CCHCR1: variants seen among roughly 807,000 people sequenced by gnomAD.
CCHCR1 encodes coiled-coil alpha-helical rod protein 1.
A neutral mutation model predicts 114.6 loss-of-function variants in CCHCR1; 91 were observed. That is an observed-to-expected ratio of 0.79 (90% CI 0.67 to 0.94). The LOEUF is 0.94. CCHCR1 is among the 40% of genes least tolerant of loss of function. CCHCR1 has a pLI of 0.00. For synonymous variants in CCHCR1, 379 were observed against 428.5 expected (o/e 0.88, Z 1.43); for missense variants, 899 against 1,079.9 (o/e 0.83, Z 2.35).
rs112698176 is a variant in CCHCR1, at chr6:31,150,106, T to G, written c.1322A>C (p.Glu441Ala). The change falls in exon 8 of 18, where the codon GAG (glutamate) becomes GCG (alanine). Residue 441 changes from glutamate to alanine, a missense_variant. By Grantham distance (107) the Glu-to-Ala change is moderately radical. Coordinates refer to ENST00000396268, the MANE Select transcript of CCHCR1 (RefSeq NM_001105564.2). The surrounding 1 kb of genome is among the most constrained non-coding windows in gnomAD (Gnocchi z 5.3). The stretch of plus-strand genomic sequence containing the variant: ...CTTAACAGAGTCACTGTGTTCCAGC[T>G]CCTGGGCCTTTAGCTGCACCATGAG... ...FALMVQLKAQ[E>A]LEHSDSVKQL... 3.1e-6 allele frequency: 5 copies of G among 1,614,026 alleles called. No homozygotes were observed. Among genetic ancestry groups the G allele is most frequent in the Non-Finnish European group, 4.2e-6 (5 of 1,180,032 alleles).
upstream of CCHCR1, chr6:31,157,996 T>G: frequency 3.7e-6 from 1 of 267,194 alleles, no homozygotes; most frequent in Non-Finnish European, 7.3e-6. Flanking sequence ...CTCCCCTAGA[T>G]ACCCGAGGCT....
In CCHCR1 at chr6:31,156,818, T is replaced by C; in HGVS notation, c.410A>G (p.Glu137Gly). The change falls in exon 3 of 18, where the codon GAG becomes GGG. Residue 137 changes from glutamate to glycine, a missense_variant. Transcript: ENST00000396268. ...VQPPGHQDVS[E>G]RRLDTQRPQV... ...AGGTCTCTGGGTGTCTAGCCGCCTCTCTGAGACATCTTGATGGCCTGGGGG... is the reference window on the plus strand; with the variant it reads ...AGGTCTCTGGGTGTCTAGCCGCCTCCCTGAGACATCTTGATGGCCTGGGGG... 6.2e-7 allele frequency: 1 copy of C among 1,612,928 alleles called. No homozygotes were observed. Among genetic ancestry groups the C allele is most frequent in the East Asian group, 2.2e-5 (1 of 44,884 alleles).
intron 11 of CCHCR1, 35 bp from the exon 12 acceptor site, chr6:31,145,528 AG>A (rs1382522457): frequency 6.2e-7 from 1 of 1,607,570 alleles, no homozygotes; most frequent in Non-Finnish European, 8.5e-7. Context: ...AAAGAGATGA[AG>A]TTTGCATGGG....
At position 31,157,726 on chromosome 6, in the gene CCHCR1, TC is replaced by T; in HGVS notation, c.-127del. ...CTGTTCTCTCAGCTTCTCTCTACTATCCCCTTAGCTTCCATGCCTGCTGCCC... is the reference window on the plus strand; with the variant it reads ...CTGTTCTCTCAGCTTCTCTCTACTATCCCTTAGCTTCCATGCCTGCTGCCC... On this transcript the variant is annotated 5_prime_UTR_variant, in exon 1 of 18. An upstream open reading frame in the 5' UTR gains an earlier in-frame stop. Transcript: ENST00000396268. 2 of 729,414 alleles carry T rather than the reference TC, an allele frequency of 2.7e-6. No individual in the cohort carries two copies. The highest frequency in any genetic ancestry group is 3.9e-4 in the Middle Eastern group (1 of 2,564). 45.2% of individuals were successfully genotyped at this position (729,414 alleles called of 1,614,324 possible).
chr6:31,155,285 A>G (rs1203194408), intron 3 of CCHCR1, among the ~76,000 whole-genome samples: 2 of 152,154 alleles, frequency 1.3e-5, no homozygotes, highest in African/African-American at 4.8e-5. Context: ...TCCAGTATCA[A>G]TATGGTGAGG....
At chr6:31,146,381 C>A (rs551098392) in intron 10 of CCHCR1, among the ~76,000 whole-genome samples, 1 of 152,236 alleles carries the variant, frequency 6.6e-6, no homozygotes, top group South Asian at 2.1e-4. Flanking sequence ...CCTCTCCAAG[C>A]CCAGGAGTGT....
At position 31,150,594 on chromosome 6, in the gene CCHCR1, TA is replaced by T; in HGVS notation, c.1102-30del. ...CGGGCAGAGGAAAGCAGCCCCTCTG[TA>T]GGGCCTCCATGCCGCCTTAGGTACC... On this transcript the variant is annotated intron_variant, in intron 6 of 17. Transcript: ENST00000396268. The surrounding 1 kb of genome is among the most constrained non-coding windows in gnomAD (Gnocchi z 5.3). The T allele has an allele frequency of 6.3e-7, 1 of 1,599,696 alleles. No individual in the cohort carries two copies. The highest frequency in any genetic ancestry group is 8.5e-7 in the Non-Finnish European group (1 of 1,170,840).
chr6:31,156,964 A>T lies in CCHCR1; in HGVS notation c.284-20T>A. The T allele has an allele frequency of 1.2e-6, 2 of 1,612,636 alleles. No homozygotes were observed. Among genetic ancestry groups the T allele is most frequent in the Non-Finnish European group, 1.7e-6 (2 of 1,179,784 alleles). On this transcript the variant is annotated intron_variant, in intron 2 of 17. Transcript: ENST00000396268. ...TGGAACCTGAAGAATTACAAAAACA[A>T]AGATGGTCAGTTTCCCAGGCAGAGA...
At position 31,151,242 on chromosome 6, in the gene CCHCR1, C is replaced by T; in HGVS notation, c.802-120G>A. On this transcript the variant is annotated intron_variant, in intron 4 of 17. Coordinates refer to ENST00000396268, the MANE Select transcript of CCHCR1 (RefSeq NM_001105564.2). The surrounding 1 kb of genome is among the most constrained non-coding windows in gnomAD (Gnocchi z 4.1). ...ACCCAACCAATCAGCCAACTGTGCA[C>T]AGCAAATGGAGAGCTGGCAACTCAC... 1 of 1,087,798 alleles carries T rather than the reference C, an allele frequency of 9.2e-7. No individual in the cohort carries two copies. The highest frequency in any genetic ancestry group is 1.3e-6 in the Non-Finnish European group (1 of 760,264). The allele number at this position is 1,087,798 out of a possible 1,614,324, so 67.4% of individuals were successfully genotyped here. A position where few individuals can be genotyped will look rare whatever the true frequency, so the allele number is the denominator to read the frequency against.
rs1260028110 is a variant in CCHCR1 at position 31,150,183 on chromosome 6, A to G, written c.1245T>C (p.Phe415=). Residue 415 remains phenylalanine (F), a synonymous_variant, in exon 8 of 18, where the codon TTT becomes TTC. Coordinates refer to ENST00000396268, the MANE Select transcript of CCHCR1 (RefSeq NM_001105564.2). This position sits in a 1 kb window ranked among gnomAD's most constrained non-coding sequence, Gnocchi z 5.3. Reference sequence around the variant, plus strand: ...TCAGCAGGGACTGGCACTTCCTGGTAAACTCAGGCTCCAGGGAATCTGAAG... The same window carrying G: ...TCAGCAGGGACTGGCACTTCCTGGTGAACTCAGGCTCCAGGGAATCTGAAG... ...VQPSDSLEPE[F]TRKCQSLLNR... The G allele has an allele frequency of 6.2e-7, 1 of 1,614,194 alleles. No homozygotes were observed. The highest frequency in any genetic ancestry group is 2.2e-5 in the East Asian group (1 of 44,884).
rs965727555 is a variant in CCHCR1 at position 31,142,512 on chromosome 6, G to A, written c.*80C>T. The A allele has an allele frequency of 3.9e-5, 55 of 1,411,666 alleles. No individual in the cohort carries two copies. The African/African-American group carries it at 7.3e-4, about 19-fold the overall frequency. The allele number at this position is 1,411,666 out of a possible 1,614,324, so 87.4% of individuals were successfully genotyped here. ...ATCCCCCAGGGCAACCCCAGGATGGGGAAGGGCTGGTCTGTCCCCACCCAC... is the reference window on the plus strand; with the variant it reads ...ATCCCCCAGGGCAACCCCAGGATGGAGAAGGGCTGGTCTGTCCCCACCCAC... On this transcript the variant is annotated 3_prime_UTR_variant, in exon 18 of 18. Coordinates refer to ENST00000396268, the MANE Select transcript of CCHCR1 (RefSeq NM_001105564.2).
chr6:31,155,926 T>C (rs1775938767), intron 3 of CCHCR1, among the ~76,000 whole-genome samples: 1 of 152,160 alleles, frequency 6.6e-6, no homozygotes, highest in Admixed American at 6.5e-5. Context: ...GGACTACAAA[T>C]GCATGCCACC....
rs976158123 is a variant in CCHCR1 at position 31,144,243 on chromosome 6, G to A, written c.2167+444C>T. Among the ~76,000 whole-genome samples the A allele has an allele frequency of 1.3e-5, 2 of 152,118 alleles. No homozygotes were observed. Among genetic ancestry groups the A allele is most frequent in the Admixed American group, 1.3e-4 (2 of 15,278 alleles). ...TGGTCTTTCTCTATCACCCAGGCTT[G>A]AGTGCAGTGGCACAATCTTGGCTCA... is the stretch of plus-strand genomic sequence containing the variant. On this transcript the variant is annotated intron_variant, in intron 15 of 17. Transcript: ENST00000396268. This position sits in a 1 kb window ranked among gnomAD's most constrained non-coding sequence, Gnocchi z 4.6.
In CCHCR1 at chr6:31,144,755, C is replaced by T. The variant is rs202129359; in HGVS notation, c.2099G>A (p.Arg700Gln). Residue 700 changes from arginine (R) to glutamine (Q), a missense_variant, in exon 15 of 18, where the codon CGG (arginine) becomes CAG (glutamine). Coordinates refer to ENST00000396268, the MANE Select transcript of CCHCR1 (RefSeq NM_001105564.2). The surrounding 1 kb of genome is among the most constrained non-coding windows in gnomAD (Gnocchi z 4.6). ...LQEKVAEVET[R>Q]LREQLSDTER... ...TGTGTCTGAGAGTTGCTCCCGCAGC[C>T]GAGTTTCCACTTCAGCCACCTTTTC... The T allele has an allele frequency of 6.7e-5, 108 of 1,614,010 alleles. No individual in the cohort carries two copies. In the East Asian group the frequency reaches 1.7e-3, roughly 26 times the overall value.
chr6:31,150,020 G>A lies in CCHCR1; in HGVS notation c.1362+46C>T, dbSNP rs752614343. On this transcript the variant is annotated intron_variant, in intron 8 of 17. Transcript: ENST00000396268. The surrounding 1 kb of genome is among the most constrained non-coding windows in gnomAD (Gnocchi z 5.3). ...AATGGATGCCACCTTCATGGAAGGA[G>A]CAAGGTGCTGGGAGGGAATACCGGG... The A allele has an allele frequency of 6.9e-6, 11 of 1,602,164 alleles. No homozygotes were observed. The highest frequency in any genetic ancestry group is 9.4e-6 in the Non-Finnish European group (11 of 1,170,316).
At chr6:31,149,787 G>C in intron 8 of CCHCR1, 1 of 401,754 alleles carries the variant, frequency 2.5e-6, no homozygotes, top group African/African-American at 2.0e-5. Flanking sequence ...TGAATCACCT[G>C]AGGTCAGGAG....
At position 31,144,739 on chromosome 6, in the gene CCHCR1, G is replaced by A; in HGVS notation, c.2115C>T (p.Leu705=). 6.2e-7 allele frequency: 1 copy of A among 1,613,942 alleles called. No individual in the cohort carries two copies. The highest frequency in any genetic ancestry group is 8.5e-7 in the Non-Finnish European group (1 of 1,179,916). Residue 705 remains leucine, a synonymous_variant, in exon 15 of 18, where the codon CTC becomes CTT. Coordinates refer to ENST00000396268, the MANE Select transcript of CCHCR1 (RefSeq NM_001105564.2). This position sits in a 1 kb window ranked among gnomAD's most constrained non-coding sequence, Gnocchi z 4.6. ...CGTTCAGCCTCCTCTCTGTGTCTGA[G>A]AGTTGCTCCCGCAGCCGAGTTTCCA... The part of the protein sequence containing the change: ...AEVETRLREQ[L]SDTERRLNEA...
At chr6:31,149,956 G>T in intron 8 of CCHCR1, 110 bp downstream of exon 8, 2 of 1,208,362 alleles carry the variant, frequency 1.7e-6, no homozygotes, top group Non-Finnish European at 2.4e-6. Flanking sequence ...TCAGGGCTGT[G>T]TGCCCAGCAT....
intron 8 of CCHCR1, chr6:31,149,703 A>G (rs184259153): frequency 5.8e-6 from 1 of 173,080 alleles, no homozygotes; most frequent in African/African-American, 2.4e-5. Context: ...TCGGTCTCCC[A>G]AACTGTTGGC....
Sources: gnomAD v4.1 joint callset for allele counts (sites outside exome capture counted in the v4.1 genomes callset) on GRCh38, gnomAD v4.1.1 for gene constraint, Gnocchi (gnomAD v3.1) non-coding constraint, MANE v1.5 for transcripts, NCBI Gene and HGNC (gene_info 2026-07-23, HGNC 2026-07-21) for gene names.